RAG2: variants seen among roughly 807,000 people sequenced by gnomAD.
The protein encoded by RAG2 is V(D)J recombination-activating protein 2.
A neutral mutation model predicts 31.8 loss-of-function variants in RAG2; 16 were observed. The ratio of observed to expected loss-of-function variants is 0.50; its 90% CI spans 0.34 to 0.76. RAG2 has a LOEUF of 0.76. Ranked by LOEUF, RAG2 falls within the 30% of genes least tolerant of loss-of-function variation. The pLI, the probability that RAG2 is intolerant of heterozygous loss-of-function variation, is 0.01. For missense variants in RAG2, 622 were observed against 628.5 expected (o/e 0.99, Z 0.11); for synonymous variants, 199 against 215.9 (o/e 0.92, Z 0.68).
At chr11:36,594,738 C>A (rs934501685) in intron 1 of RAG2, 4 of 157,326 alleles carry the variant, frequency 2.5e-5, no homozygotes, top group African/African-American at 9.6e-5. Context: ...ATTGCTGGAG[C>A]CTCTCCTGGG....
chr11:36,593,605 T>C lies in RAG2; in HGVS notation c.564A>G (p.Glu188=), dbSNP rs1171394750. 1.1e-5 allele frequency: 17 copies of C among 1,614,182 alleles called. No homozygotes were observed. The highest frequency in any genetic ancestry group is 1.4e-5 in the Non-Finnish European group (17 of 1,180,030). The change falls in exon 2 of 2, where the codon GAA becomes GAG. Residue 188 remains glutamate, a synonymous_variant. Transcript: ENST00000311485. ...GAATGTATGATGTAGCACACCCAAA[T>C]TCAAAATCCACCAGGAAAACACAGG... ...CLPCVFLVDF[E]FGCATSYILP...
Position 36,592,877 on chromosome 11 carries a change from A to G in RAG2, c.1292T>C (p.Val431Ala). ...GTTGAGCTCAGTTGAATAGAATGGT[A>G]CCCAAGTGTTGATATCCACATCACA... ...PTCDVDINTW[V>A]PFYSTELNKP... Residue 431 changes from valine (V) to alanine (A), a missense_variant, in exon 2 of 2, where the codon GTA (valine) becomes GCA (alanine). Physicochemically the swap from Val to Ala is moderately conservative, Grantham distance 64. Transcript: ENST00000311485. The G allele has an allele frequency of 6.2e-7, 1 of 1,614,114 alleles. No individual in the cohort carries two copies. Among genetic ancestry groups the G allele is most frequent in the Non-Finnish European group, 8.5e-7 (1 of 1,180,016 alleles).
rs756676209 is a variant in RAG2, at chr11:36,593,700, C to A, written c.469G>T (p.Gly157Ter). Residue 157 changes from glycine (G) to a stop codon, truncating the protein, a stop_gained, in exon 2 of 2, where the codon GGA becomes TGA. Transcript: ENST00000311485. LOFTEE classifies it high-confidence loss of function. ...GTAGAAGGCATGTATGAGCGTCCTC[C>A]AAAGAGAACACCCATACTTTTCCCT... Reference protein sequence around the residue: ...SRGKSMGVLFGGRSYMPSTHR... With the variant: ...SRGKSMGVLF 6.2e-7 allele frequency: 1 copy of A among 1,614,082 alleles called. No homozygotes were observed.
At position 36,592,493 on chromosome 11, in the gene RAG2, A is replaced by G. The variant is rs1851037063; in HGVS notation, c.*92T>C. 6.8e-7 allele frequency: 1 copy of G among 1,469,470 alleles called. No homozygotes were observed. Among genetic ancestry groups the G allele is most frequent in the South Asian group, 1.3e-5 (1 of 77,902 alleles). 91.0% of individuals were successfully genotyped at this position (1,469,470 alleles called of 1,614,324 possible). A position where few individuals can be genotyped will look rare whatever the true frequency, so the allele number is the denominator to read the frequency against. On this transcript the variant is annotated 3_prime_UTR_variant, in exon 2 of 2. Transcript: ENST00000311485. ...CTAAAAGAAAACATAGGCATTTTAA[A>G]TAAACAAAAATGTATTTTTAAAATC...
intron 1 of RAG2, among the ~76,000 whole-genome samples, chr11:36,595,588 G>T (rs1851187278): frequency 6.6e-6 from 1 of 152,220 alleles, no homozygotes; most frequent in Admixed American, 6.5e-5. Flanking sequence ...TCCTGGCTCT[G>T]CCACTAACTA....
In RAG2 at chr11:36,592,467, A is replaced by G. The variant is rs1851036294; in HGVS notation, c.*118T>C. On this transcript the variant is annotated 3_prime_UTR_variant, in exon 2 of 2. Coordinates refer to ENST00000311485, the MANE Select transcript of RAG2 (RefSeq NM_000536.4). Reference sequence around the variant, plus strand: ...TTTTTTCTGGCCCTTAATTCATGTAACTAAAAGAAAACATAGGCATTTTAA... The same window carrying G: ...TTTTTTCTGGCCCTTAATTCATGTAGCTAAAAGAAAACATAGGCATTTTAA... 1.5e-6 allele frequency: 2 copies of G among 1,315,050 alleles called. No individual in the cohort carries two copies. The highest frequency in any genetic ancestry group is 3.0e-5 in the African/African-American group (2 of 67,068). The allele number at this position is 1,315,050 out of a possible 1,614,324, so 81.5% of individuals were successfully genotyped here.
intron 1 of RAG2, among the ~76,000 whole-genome samples, chr11:36,596,228 T>TG (rs920680335): frequency 2.7e-5 from 4 of 150,938 alleles, no homozygotes; most frequent in East Asian, 3.9e-4. Context: ...TTTTGTTTTT[T>TG]TTTTTTTTTG....
At chr11:36,594,297 C>A in intron 1 of RAG2, 102 bp from the exon 2 acceptor site, 1 of 781,886 alleles carries the variant, frequency 1.3e-6, no homozygotes, top group Non-Finnish European at 2.2e-6. Flanking sequence ...TCCTCCCACA[C>A]GCTTGCAGTG....
In RAG2 at chr11:36,592,263, A is replaced by T; in HGVS notation, c.*322T>A. ...GTTATTTGTTACCAAGACTTATATAATAAATATAAACATACCTCGATGATT... is the reference window on the plus strand; with the variant it reads ...GTTATTTGTTACCAAGACTTATATATTAAATATAAACATACCTCGATGATT... On this transcript the variant is annotated 3_prime_UTR_variant, in exon 2 of 2. Coordinates refer to ENST00000311485, the MANE Select transcript of RAG2 (RefSeq NM_000536.4). The T allele has an allele frequency of 3.3e-6, 1 of 303,734 alleles. No homozygotes were observed. Among genetic ancestry groups the T allele is most frequent in the Non-Finnish European group, 6.2e-6 (1 of 160,856 alleles). 18.8% of individuals were successfully genotyped at this position (303,734 alleles called of 1,614,324 possible). A position where few individuals can be genotyped will look rare whatever the true frequency, so the allele number is the denominator to read the frequency against.
chr11:36,593,346 C>G lies in RAG2; in HGVS notation c.823G>C (p.Gly275Arg). The G allele has an allele frequency of 6.2e-7, 1 of 1,614,040 alleles. No individual in the cohort carries two copies. The highest frequency in any genetic ancestry group is 8.5e-7 in the Non-Finnish European group (1 of 1,179,982). Residue 275 changes from glycine to arginine, a missense_variant, in exon 2 of 2, where the codon GGT (glycine) becomes CGT (arginine). Coordinates refer to ENST00000311485, the MANE Select transcript of RAG2 (RefSeq NM_000536.4). Reference sequence around the variant, plus strand: ...TTTTGATTTTCAAGCTGATAGCCACCAACAATAACAAATTCATCATTGTTA... The same window carrying G: ...TTTTGATTTTCAAGCTGATAGCCACGAACAATAACAAATTCATCATTGTTA... Reference protein sequence around the residue: ...QTNNDEFVIVGGYQLENQKRM... With the variant: ...QTNNDEFVIVRGYQLENQKRM...
At chr11:36,595,718 G>A (rs146084584) in intron 1 of RAG2, among the ~76,000 whole-genome samples, 1,860 of 152,282 alleles carry the variant, frequency 0.012, 23 homozygotes, top group East Asian at 0.031. Flanking sequence ...TTGAATATAC[G>A]TAAAGTACTT....
intron 1 of RAG2, chr11:36,594,422 G>A (rs1472263301): frequency 3.8e-6 from 2 of 530,956 alleles, no homozygotes; most frequent in African/African-American, 1.9e-5. Flanking sequence ...TGCTCCCTAG[G>A]ATTTCTGGGA....
intron 1 of RAG2, among the ~76,000 whole-genome samples, chr11:36,596,897 G>A (rs1410321898): frequency 6.6e-6 from 1 of 152,158 alleles, no homozygotes; most frequent in Non-Finnish European, 1.5e-5. Flanking sequence ...ATTTTCTTGG[G>A]CAAGACATAA....
chr11:36,596,971 A>G (rs1851292642), intron 1 of RAG2, among the ~76,000 whole-genome samples: 1 of 152,096 alleles, frequency 6.6e-6, no homozygotes, highest in Non-Finnish European at 1.5e-5. Context: ...AGGGCTTTTG[A>G]CCTGTTTTCC....
Position 36,594,120 on chromosome 11 carries a change from G to C in RAG2, c.49C>G (p.Pro17Ala), listed in dbSNP as rs1851107367. ...TCAAAATTCATCAGTGAGAAGCCTG[G>C]CTGAATTAAGGCTATGTTATTACTG... is the stretch of plus-strand genomic sequence containing the variant. Reference protein sequence around the residue: ...TVSNNIALIQPGFSLMNFDGQ... With the variant: ...TVSNNIALIQAGFSLMNFDGQ... The change falls in exon 2 of 2, where the codon CCA (proline) becomes GCA (alanine). Residue 17 changes from proline to alanine, a missense_variant. Coordinates refer to ENST00000311485, the MANE Select transcript of RAG2 (RefSeq NM_000536.4). 1 of 1,614,034 alleles carries C rather than the reference G, an allele frequency of 6.2e-7. No homozygotes were observed. The highest frequency in any genetic ancestry group is 8.5e-7 in the Non-Finnish European group (1 of 1,179,940).
At chr11:36,595,177 T>C (rs545736905) in intron 1 of RAG2, 2 of 152,226 alleles carry the variant, frequency 1.3e-5, no homozygotes, top group African/African-American at 2.4e-5. Flanking sequence ...CCTAAACACA[T>C]CTTCTTTTCA....
chr11:36,597,331 CTAAAA>C (rs1405887520), intron 1 of RAG2, among the ~76,000 whole-genome samples: 1 of 152,128 alleles, frequency 6.6e-6, no homozygotes, highest in Non-Finnish European at 1.5e-5. Context: ...TATACTATAT[CTAAAA>C]TAACCTACTG....
chr11:36,593,952 G>C lies in RAG2; in HGVS notation c.217C>G (p.Arg73Gly). ...SKDSCYLPPL[R>G]YPATCTFKGS... is the part of the protein sequence containing the mutation. ...TTGAATGTGCAAGTGGCTGGGTAGC[G>C]AAGAGGAGGGAGGTAGCAGGAATCC... The change falls in exon 2 of 2, where the codon CGC becomes GGC. Residue 73 changes from arginine to glycine, a missense_variant. Coordinates refer to ENST00000311485, the MANE Select transcript of RAG2 (RefSeq NM_000536.4). 4.3e-6 allele frequency: 7 copies of C among 1,614,214 alleles called. No homozygotes were observed. Among genetic ancestry groups the C allele is most frequent in the Non-Finnish European group, 5.1e-6 (6 of 1,180,024 alleles).
downstream of RAG2, among the ~76,000 whole-genome samples, chr11:36,591,123 ACAAAAGATCAAATCAATGTG>A (rs1851016203): frequency 6.6e-6 from 1 of 152,216 alleles, no homozygotes. Context: ...GATGGAAACA[ACAAAAGATCAAATCAATGTG>A]CAACAATTGT....
Sources: allele counts gnomAD v4.1 joint callset (sites outside exome capture counted in the v4.1 genomes callset), GRCh38; gene constraint gnomAD v4.1.1; transcripts MANE v1.5; gene names NCBI Gene and HGNC (gene_info 2026-07-23, HGNC 2026-07-21).